The following SYBU variants were observed in gnomAD, a reference collection of about 807,000 sequenced individuals.
SYBU encodes GOLSYN A protein.
In SYBU, 21 loss-of-function variants were observed where a neutral mutation model predicts 35.9. The ratio of observed to expected loss-of-function variants is 0.58; its 90% CI spans 0.41 to 0.84. The LOEUF is 0.84. Among genes scored for constraint, SYBU ranks in the 40% least tolerant of loss-of-function variants. The pLI, the probability that SYBU is intolerant of heterozygous loss-of-function variation, is 0.00. For missense variants in SYBU, 768 were observed against 848.2 expected (o/e 0.91, Z 1.17); for synonymous variants, 319 against 324.3 (o/e 0.98, Z 0.18).
intron 4 of SYBU, 169 bp from the exon 5 acceptor site, chr8:109,580,171 T>C: frequency 1.6e-6 from 1 of 608,958 alleles, no homozygotes; most frequent in Non-Finnish European, 2.9e-6. Flanking sequence ...CTGCCTGGTA[T>C]TTTCTCTCCT....
intron 3 of SYBU, among the ~76,000 whole-genome samples, chr8:109,597,488 T>C (rs1825017729): frequency 6.6e-6 from 1 of 151,808 alleles, no homozygotes; most frequent in African/African-American, 2.4e-5. Context: ...GAGGCTGAGA[T>C]AGGCAGATCA....
At position 109,671,683 on chromosome 8, in the gene SYBU, G is replaced by C. The variant is rs77359072; in HGVS notation, c.-129+9028C>G. Among the ~76,000 whole-genome samples the C allele has an allele frequency of 1.6e-4, 24 of 152,170 alleles. No individual in the cohort carries two copies. In the East Asian group the frequency reaches 4.6e-3, roughly 29 times the overall value. On this transcript the variant is annotated intron_variant, in intron 1 of 5. Coordinates refer to the SYBU transcript ENST00000408889. ...ATAAGCCAATCTCTAATTCAATTTT[G>C]GTAGGGTTCATATCATTTATTTAAA...
chr8:109,593,497 C>T (rs1305868391), intron 3 of SYBU, among the ~76,000 whole-genome samples: 1 of 152,136 alleles, frequency 6.6e-6, no homozygotes, highest in Non-Finnish European at 1.5e-5. Context: ...TGAAACTGGG[C>T]CAGTTCCAGC....
At chr8:109,598,817 A>C (rs1283006272) in intron 3 of SYBU, among the ~76,000 whole-genome samples, 2 of 152,238 alleles carry the variant, frequency 1.3e-5, no homozygotes, top group South Asian at 4.1e-4. Context: ...CCCTGTTCAA[A>C]GTGCCTTACA....
At chr8:109,653,098 T>G (rs1206820843) in intron 1 of SYBU, among the ~76,000 whole-genome samples, 1 of 152,206 alleles carries the variant, frequency 6.6e-6, no homozygotes, top group Non-Finnish European at 1.5e-5. Context: ...AATTCCATTT[T>G]AGCTGAACAG....
At chr8:109,643,135 C>A in intron 1 of SYBU, 1 of 1,298,938 alleles carries the variant, frequency 7.7e-7, no homozygotes, top group Non-Finnish European at 9.7e-7. Flanking sequence ...CTGAATAGCA[C>A]ATGTCTGTGT....
At chr8:109,611,605 T>A (rs1330279413) in intron 3 of SYBU, among the ~76,000 whole-genome samples, 3 of 152,212 alleles carry the variant, frequency 2.0e-5, no homozygotes, top group African/African-American at 7.2e-5. Context: ...AGAGATCTAT[T>A]TCAGTATAAA....
At chr8:109,591,516 T>A (rs1464521787) in intron 3 of SYBU, among the ~76,000 whole-genome samples, 2 of 139,692 alleles carry the variant, frequency 1.4e-5, no homozygotes, top group African/African-American at 5.5e-5. Context: ...ATTTTTTTTT[T>A]TTTTTTTTTT....
chr8:109,579,776 T>G (rs762260093), intron 5 of SYBU, 23 bp downstream of exon 5: 1 of 1,603,792 alleles, frequency 6.2e-7, no homozygotes, highest in South Asian at 1.1e-5. Context: ...CTAAGATGCA[T>G]GAATTAGGTG....
In SYBU at chr8:109,591,506, ATT is replaced by A. The variant is rs1047402673; in HGVS notation, c.428-5346_428-5345del. 8.4e-3 allele frequency among the ~76,000 whole-genome samples: 852 copies of A among 100,836 alleles called. 2 individuals carry two copies. Among genetic ancestry groups the A allele is most frequent in the African/African-American group, 0.031 (771 of 24,502 alleles). 66.2% of individuals were successfully genotyped at this position (100,836 alleles called of 152,430 possible). On this transcript the variant is annotated intron_variant, in intron 3 of 6. Coordinates refer to ENST00000276646, the MANE Select transcript of SYBU (RefSeq NM_001099754.2). ...ATTTTTTCCTTTTAAAAAAATGTAA[ATT>A]TTTTTTTTTTTTTTTTTTTTTGAGA...
intron 2 of SYBU, among the ~76,000 whole-genome samples, chr8:109,633,095 T>G (rs768227998): frequency 7.9e-5 from 12 of 152,272 alleles, no homozygotes; most frequent in Non-Finnish European, 1.6e-4. Context: ...TCCGGTCTGA[T>G]ATATGTGTTT....
At chr8:109,670,030 G>C (rs1469178404) in intron 1 of SYBU, among the ~76,000 whole-genome samples, 2 of 152,020 alleles carry the variant, frequency 1.3e-5, no homozygotes, top group Non-Finnish European at 2.9e-5. Flanking sequence ...TCATTTTCAT[G>C]ATGTAGAAAT....
At chr8:109,576,055 A>C (rs745329696) in intron 6 of SYBU, 42 bp from the exon 7 acceptor site, 19 of 1,495,600 alleles carry the variant, frequency 1.3e-5, no homozygotes, top group East Asian at 7.2e-5. Context: ...AAAAAAAAAA[A>C]AAAAAAAAAA....
intron 1 of SYBU, among the ~76,000 whole-genome samples, chr8:109,666,475 T>C (rs1243752515): frequency 6.6e-6 from 1 of 152,100 alleles, no homozygotes; most frequent in African/African-American, 2.4e-5. Context: ...GAACCACTGC[T>C]CATGCCTGTA....
chr8:109,585,607 G>T (rs531026638), intron 4 of SYBU: 1 of 157,032 alleles, frequency 6.4e-6, no homozygotes, highest in South Asian at 1.9e-4. Context: ...GGTAAATGCT[G>T]GGAGTGGTCA....
intron 3 of SYBU, among the ~76,000 whole-genome samples, chr8:109,594,306 A>G (rs534845751): frequency 4.6e-4 from 70 of 152,312 alleles, no homozygotes; most frequent in Non-Finnish European, 8.8e-4. Context: ...TCTATGACTC[A>G]GTCCAGAATA....
intron 3 of SYBU, among the ~76,000 whole-genome samples, chr8:109,596,236 T>TC: frequency 6.6e-6 from 1 of 152,378 alleles, no homozygotes; most frequent in Admixed American, 6.5e-5. Context: ...TCTCAATGTA[T>TC]TTTTTAAAAG....
At chr8:109,661,149 A>C (rs1397908463) in intron 1 of SYBU, among the ~76,000 whole-genome samples, 5 of 152,240 alleles carry the variant, frequency 3.3e-5, no homozygotes, top group Admixed American at 1.3e-4. Context: ...GTGTGTAAAT[A>C]CAGTAATCTC....
intron 3 of SYBU, 83 bp downstream of exon 3, chr8:109,618,759 C>T (rs898671634): frequency 1.0e-5 from 13 of 1,249,718 alleles, no homozygotes; most frequent in Non-Finnish European, 1.3e-5. Flanking sequence ...ATCCCCGACT[C>T]GATATACAGG....
Sources: allele counts gnomAD v4.1 joint callset (sites outside exome capture counted in the v4.1 genomes callset), GRCh38; gene constraint gnomAD v4.1.1; transcripts MANE v1.5; gene names NCBI Gene and HGNC (gene_info 2026-07-23, HGNC 2026-07-21).